Variants in PCLO observed in about 807,000 individuals in gnomAD.
The protein encoded by PCLO is protein piccolo.
A neutral mutation model predicts 427.5 loss-of-function variants in PCLO; 82 were observed. That is an observed-to-expected ratio of 0.19 (90% CI 0.16 to 0.23). The LOEUF (loss-of-function observed/expected upper bound fraction) is 0.23. PCLO is among the 10% of genes least tolerant of loss of function. The pLI is 1.00. For missense variants in PCLO, 6,239 were observed against 6,115.9 expected (o/e 1.02, Z -0.67); for synonymous variants, 2,357 against 2,155.4 (o/e 1.09, Z -2.59).
chr7:82,945,454 A>G (rs1374785263), intron 6 of PCLO, among the ~76,000 whole-genome samples: 1 of 152,332 alleles, frequency 6.6e-6, no homozygotes, highest in Admixed American at 6.5e-5. Flanking sequence ...ATGTGAACCT[A>G]TTTGAACATA....
chr7:83,021,268 C>T (rs1397651777), intron 3 of PCLO, among the ~76,000 whole-genome samples: 1 of 152,140 alleles, frequency 6.6e-6, no homozygotes, highest in East Asian at 1.9e-4. Flanking sequence ...AACACTTTCT[C>T]TGCTGCAAAC....
In PCLO at chr7:83,156,341, C is replaced by G. The variant is rs547486813; in HGVS notation, c.300G>C (p.Pro100=). The part of the protein sequence containing the change: ...SHPPKQSGRP[P]DPGRPAQPGL... ...CAGGTTGAGCTGGACGCCCAGGGTC[C>G]GGGGGTCTTCCTGATTGCTTTGGAG... Residue 100 remains proline, a synonymous_variant, in exon 2 of 25, where the codon CCG becomes CCC. Coordinates refer to ENST00000333891, the MANE Select transcript of PCLO (RefSeq NM_033026.6). The G allele has an allele frequency of 6.2e-7, 1 of 1,611,676 alleles. No homozygotes were observed. Among genetic ancestry groups the G allele is most frequent in the Non-Finnish European group, 8.5e-7 (1 of 1,179,302 alleles).
At chr7:82,883,547 T>C (rs1243386071) in intron 9 of PCLO, among the ~76,000 whole-genome samples, 1 of 152,088 alleles carries the variant, frequency 6.6e-6, no homozygotes, top group African/African-American at 2.4e-5. Context: ...AAAATTCCTA[T>C]AAACACAACA....
intron 3 of PCLO, 146 bp from the exon 4 acceptor site, chr7:82,966,633 G>A (rs537346765): frequency 3.0e-5 from 14 of 468,804 alleles, no homozygotes; most frequent in African/African-American, 6.0e-5. Flanking sequence ...ATCCAATGAC[G>A]CAGTAATTTT....
chr7:82,973,062 A>G (rs1268334097), intron 3 of PCLO, among the ~76,000 whole-genome samples: 1 of 152,008 alleles, frequency 6.6e-6, no homozygotes, highest in African/African-American at 2.4e-5. Flanking sequence ...GACATCTACA[A>G]AAGGGAGAAG....
At chr7:82,920,129 T>TA (rs548545618) in intron 6 of PCLO, among the ~76,000 whole-genome samples, 9 of 151,930 alleles carry the variant, frequency 5.9e-5, no homozygotes, top group East Asian at 5.8e-4. Context: ...AATTCTAATT[T>TA]AAAAAAACCT....
chr7:82,766,164 G>A (rs373578647), intron 22 of PCLO, among the ~76,000 whole-genome samples: 1 of 152,068 alleles, frequency 6.6e-6, no homozygotes, highest in South Asian at 2.1e-4. Flanking sequence ...GCTAGCCCTA[G>A]GAAAAAATCA....
At chr7:82,834,990 G>C (rs1792193939) in intron 16 of PCLO, among the ~76,000 whole-genome samples, 1 of 151,506 alleles carries the variant, frequency 6.6e-6, no homozygotes, top group Non-Finnish European at 1.5e-5. Flanking sequence ...GTTTTTTGAG[G>C]CTGGAGTGCA....
At chr7:83,068,615 A>G (rs1016509823) in intron 3 of PCLO, among the ~76,000 whole-genome samples, 4 of 152,196 alleles carry the variant, frequency 2.6e-5, no homozygotes, top group Non-Finnish European at 4.4e-5. Flanking sequence ...AGCTGTTATA[A>G]GAAGACAAGA....
intron 6 of PCLO, among the ~76,000 whole-genome samples, chr7:82,939,022 C>A (rs991893935): frequency 5.3e-5 from 8 of 151,928 alleles, no homozygotes; most frequent in African/African-American, 1.9e-4. Flanking sequence ...AGCAGTCATT[C>A]CTTTGTACTC....
Position 83,155,495 on chromosome 7 carries a change from T to C in PCLO, c.1146A>G (p.Ser382=), listed in dbSNP as rs558699542. ...PAQQTGSEKP[S]SEQPGPKALA... is the part of the protein sequence containing the mutation. ...AAGCCTTTGGCCCAGGCTGCTCCGA[T>C]GAAGGCTTCTCTGACCCAGTCTGCT... The change falls in exon 2 of 25, where the codon TCA becomes TCG. Residue 382 remains serine, a synonymous_variant. Transcript: ENST00000333891. 3.3e-5 allele frequency: 54 copies of C among 1,613,026 alleles called. No homozygotes were observed. The highest frequency in any genetic ancestry group is 1.9e-4 in the South Asian group (17 of 90,962).
chr7:82,853,617 T>A (rs1792725072), intron 10 of PCLO, among the ~76,000 whole-genome samples: 1 of 152,164 alleles, frequency 6.6e-6, no homozygotes, highest in Non-Finnish European at 1.5e-5. Flanking sequence ...AATTTGCCTA[T>A]CTCTCAATAA....
intron 9 of PCLO, among the ~76,000 whole-genome samples, chr7:82,894,169 T>A (rs1448960352): frequency 3.3e-5 from 5 of 151,950 alleles, no homozygotes; most frequent in African/African-American, 1.2e-4. Context: ...ATAAATAAAA[T>A]TTTCTCCCAA....
chr7:82,831,265 A>G (rs1218609299), intron 16 of PCLO, among the ~76,000 whole-genome samples: 1 of 152,102 alleles, frequency 6.6e-6, no homozygotes, highest in Non-Finnish European at 1.5e-5. Context: ...GGATCCAAAC[A>G]TAGGTAATTT....
At chr7:82,899,108 C>T (rs925527119) in intron 9 of PCLO, among the ~76,000 whole-genome samples, 4 of 151,466 alleles carry the variant, frequency 2.6e-5, no homozygotes, top group African/African-American at 9.6e-5. Flanking sequence ...AACATATATA[C>T]TTGTATATAT....
chr7:83,150,449 T>C (rs896877467), intron 2 of PCLO, among the ~76,000 whole-genome samples: 1 of 152,164 alleles, frequency 6.6e-6, no homozygotes, highest in South Asian at 2.1e-4. Flanking sequence ...GAGAAGGCAG[T>C]TAATTTAAAG....
chr7:83,104,899 T>C (rs866993885), intron 3 of PCLO, among the ~76,000 whole-genome samples: 2 of 152,118 alleles, frequency 1.3e-5, no homozygotes, highest in African/African-American at 2.4e-5. Context: ...AGGTACTCAA[T>C]AGATACCTGT....
chr7:83,096,322 C>A (rs561714440), intron 3 of PCLO, among the ~76,000 whole-genome samples: 1 of 152,044 alleles, frequency 6.6e-6, no homozygotes, highest in South Asian at 2.1e-4. Context: ...CTTTCCACAT[C>A]TGCACTTCAG....
chr7:82,861,700 A>G (rs1295920245), intron 10 of PCLO, among the ~76,000 whole-genome samples: 1 of 152,106 alleles, frequency 6.6e-6, no homozygotes, highest in Admixed American at 6.6e-5. Context: ...CAGCACATGG[A>G]TCATTCTCAA....
Sources: allele counts gnomAD v4.1 joint callset (sites outside exome capture counted in the v4.1 genomes callset), GRCh38; gene constraint gnomAD v4.1.1; transcripts MANE v1.5; gene names NCBI Gene and HGNC (gene_info 2026-07-23, HGNC 2026-07-21).